Variants in SCP2 observed in about 807,000 individuals in gnomAD.
SCP2 encodes the protein SCP-2/3-oxoacyl-CoA thiolase.
Under a neutral mutation model 71.4 loss-of-function variants are expected in SCP2, and 48 were observed. That is an observed-to-expected ratio of 0.67 (90% confidence interval 0.53 to 0.86). SCP2 has a LOEUF of 0.86. Among genes scored for constraint, SCP2 ranks in the 40% least tolerant of loss-of-function variants. The pLI, the probability that SCP2 is intolerant of heterozygous loss-of-function variation, is 0.00. For synonymous variants in SCP2, 220 were observed against 218.1 expected (o/e 1.01, Z -0.08); for missense variants, 560 against 655.6 (o/e 0.85, Z 1.59).
At chr1:52,967,740 A>G (rs2150152743) in intron 6 of SCP2, among the ~76,000 whole-genome samples, 1 of 152,276 alleles carries the variant, frequency 6.6e-6, no homozygotes, top group South Asian at 2.1e-4. Context: ...CTTCATATTT[A>G]TTAGGTAGAA....
At chr1:52,950,717 A>G (rs746444905) in intron 3 of SCP2, 38 bp from the exon 4 acceptor site, 6 of 1,586,582 alleles carry the variant, frequency 3.8e-6, no homozygotes, top group African/African-American at 1.3e-5. Flanking sequence ...TTGCAACTCC[A>G]TAATTCTCCA....
At chr1:52,987,007 T>TA (rs1491431026) in intron 10 of SCP2, among the ~76,000 whole-genome samples, 8,457 of 60,450 alleles carry the variant, frequency 0.14, 156 homozygotes, top group African/African-American at 0.21. Context: ...TATATATATA[T>TA]TTTTTTTTTT....
chr1:52,948,147 C>T (rs527468867), intron 3 of SCP2, 67 bp downstream of exon 3: 77 of 951,752 alleles, frequency 8.1e-5, no homozygotes, highest in South Asian at 2.5e-4. Context: ...ACAAACAATG[C>T]GGAGGCATTT....
chr1:52,979,217 G>A (rs944152018), intron 9 of SCP2, among the ~76,000 whole-genome samples: 2 of 152,020 alleles, frequency 1.3e-5, no homozygotes, highest in Non-Finnish European at 2.9e-5. Flanking sequence ...TGTTGCCCAG[G>A]CTGGAGCGTG....
chr1:53,021,661 T>C (rs75063553), intron 12 of SCP2, among the ~76,000 whole-genome samples: 2 of 112,022 alleles, frequency 1.8e-5, no homozygotes, highest in East Asian at 4.3e-4. Flanking sequence ...TTTTTTTTTT[T>C]TGGGACAGAG....
chr1:53,000,763 C>T (rs1660263770), intron 11 of SCP2, among the ~76,000 whole-genome samples: 1 of 152,062 alleles, frequency 6.6e-6, no homozygotes, highest in Non-Finnish European at 1.5e-5. Flanking sequence ...TCGAGACCAA[C>T]CTGGGCAAGA....
chr1:53,018,097 C>T (rs976034058), intron 12 of SCP2, among the ~76,000 whole-genome samples: 1 of 152,128 alleles, frequency 6.6e-6, no homozygotes, highest in Non-Finnish European at 1.5e-5. Flanking sequence ...TCAGGTAATC[C>T]ACCTGCCTCT....
At chr1:52,980,674 T>A (rs901358775) in intron 10 of SCP2, 131 bp downstream of exon 10, 1 of 933,790 alleles carries the variant, frequency 1.1e-6, no homozygotes, top group African/African-American at 1.6e-5. Flanking sequence ...GGGAAATGAA[T>A]GTAAGCTGTT....
rs1429228956 is a variant in SCP2, at chr1:53,028,534, ATTT to A, written c.1338+468_1338+470del. 2.6e-5 allele frequency among the ~76,000 whole-genome samples: 4 copies of A among 151,890 alleles called. No homozygotes were observed. In the East Asian group the frequency reaches 7.8e-4, roughly 29 times the overall value. The stretch of plus-strand genomic sequence containing the variant: ...TTTGATTTCTTAAAGTAGTTAAAAA[ATTT>A]TTTTGTTTTAAAAATGATGTTAATT... On this transcript the variant is annotated intron_variant, in intron 13 of 15. Coordinates refer to ENST00000371514, the MANE Select transcript of SCP2 (RefSeq NM_002979.5).
chr1:52,930,199 A>G lies in SCP2; in HGVS notation c.69+2734A>G, dbSNP rs191847708. Among the ~76,000 whole-genome samples the G allele has an allele frequency of 6.4e-4, 98 of 152,260 alleles. No homozygotes were observed. The East Asian group carries it at 0.017, about 27-fold the overall frequency. The stretch of plus-strand genomic sequence containing the variant: ...ACTTTTATGTATGGTAATTTCATGA[A>G]ATACATCTTACATCACAATCCAGTA... On this transcript the variant is annotated intron_variant, in intron 1 of 15. Coordinates refer to ENST00000371514, the MANE Select transcript of SCP2 (RefSeq NM_002979.5).
intron 6 of SCP2, among the ~76,000 whole-genome samples, chr1:52,966,667 C>T (rs545977341): frequency 8.7e-5 from 13 of 149,992 alleles, no homozygotes; most frequent in African/African-American, 3.2e-4. Flanking sequence ...AGGCAGATCA[C>T]GAGGTCAGGA....
chr1:52,969,689 C>T lies in SCP2; in HGVS notation c.524-5080C>T, dbSNP rs757842093. Among the ~76,000 whole-genome samples the T allele has an allele frequency of 6.7e-4, 101 of 151,848 alleles. 1 individual carries two copies. The highest frequency in any genetic ancestry group is 1.3e-3 in the Admixed American group (20 of 15,244). On this transcript the variant is annotated intron_variant, in intron 6 of 15. Coordinates refer to ENST00000371514, the MANE Select transcript of SCP2 (RefSeq NM_002979.5). ...TACAAAAATTAGCCGGGCGTGGTCG[C>T]GTGTGCCTGTAATCCCAGCAACTGG...
intron 11 of SCP2, 63 bp from the exon 12 acceptor site, chr1:53,014,827 A>T: frequency 6.3e-7 from 1 of 1,581,818 alleles, no homozygotes; most frequent in Non-Finnish European, 8.6e-7. Flanking sequence ...AGTCACAAAC[A>T]TCCCTTTTCT....
intron 1 of SCP2, among the ~76,000 whole-genome samples, 153 bp downstream of exon 1, chr1:52,927,618 G>A (rs1652577396): frequency 6.6e-6 from 1 of 152,192 alleles, no homozygotes; most frequent in South Asian, 2.1e-4. Flanking sequence ...AATCTCTGGG[G>A]TCATAGCGTC....
chr1:53,025,137 C>A (rs147614552), intron 12 of SCP2, among the ~76,000 whole-genome samples: 112 of 152,294 alleles, frequency 7.4e-4, no homozygotes, highest in African/African-American at 2.6e-3. Flanking sequence ...CTGTACTCTC[C>A]ATGTGCACAT....
chr1:53,038,965 G>A lies in SCP2; in HGVS notation c.1387G>A (p.Val463Met), dbSNP rs745398205. The A allele has an allele frequency of 6.8e-6, 11 of 1,614,134 alleles. No homozygotes were observed. The highest frequency in any genetic ancestry group is 1.6e-4 in the Middle Eastern group (1 of 6,062). ...KKIGGIFAFK[V>M]KDGPGGKEAT... is the part of the protein sequence containing the mutation. ...AATCGGTGGTATTTTTGCCTTCAAGGTGAAAGATGGCCCTGGGGGTAAAGA... is the reference window on the plus strand; with the variant it reads ...AATCGGTGGTATTTTTGCCTTCAAGATGAAAGATGGCCCTGGGGGTAAAGA... The change falls in exon 14 of 16, where the codon GTG becomes ATG. Residue 463 changes from valine to methionine, a missense_variant. Val to Met is a conservative substitution (Grantham distance 21, BLOSUM62 1). This residue lies in a region of SCP2 where 513 missense variants were observed against 573.1 expected (regional missense o/e 0.90). Coordinates refer to ENST00000371514, the MANE Select transcript of SCP2 (RefSeq NM_002979.5).
At chr1:53,042,103 T>C (rs1332774306) in intron 14 of SCP2, among the ~76,000 whole-genome samples, 1 of 152,178 alleles carries the variant, frequency 6.6e-6, no homozygotes, top group African/African-American at 2.4e-5. Flanking sequence ...GTTTCCTGAA[T>C]TATACAGAGT....
chr1:52,989,394 A>ATT, intron 11 of SCP2, among the ~76,000 whole-genome samples: 1 of 152,328 alleles, frequency 6.6e-6, no homozygotes, highest in Admixed American at 6.5e-5. Context: ...AAACAACAAC[A>ATT]AAGAACATAA....
chr1:52,989,778 C>CAAA (rs59803095), intron 11 of SCP2, among the ~76,000 whole-genome samples: 1 of 151,404 alleles, frequency 6.6e-6, no homozygotes, highest in Non-Finnish European at 1.5e-5. Context: ...ACAAAATAAC[C>CAAA]AAAAAAAAGG....
Sources: allele counts gnomAD v4.1 joint callset (sites outside exome capture counted in the v4.1 genomes callset), GRCh38; gene constraint gnomAD v4.1.1; regional missense constraint gnomAD v4.1.1; transcripts MANE v1.5; gene names NCBI Gene and HGNC (gene_info 2026-07-23, HGNC 2026-07-21).